Variants in FZD5 observed in about 807,000 individuals in gnomAD.
FZD5 encodes frizzled-5.
FZD5 carries 12 observed loss-of-function variants against 40.8 expected under a neutral mutation model. The ratio of observed to expected loss-of-function variants is 0.29; its 90% confidence interval spans 0.19 to 0.48. The LOEUF (loss-of-function observed/expected upper bound fraction) is 0.48. Among genes scored for constraint, FZD5 ranks in the 20% least tolerant of loss-of-function variants. The probability of loss-of-function intolerance (pLI) is 0.99; values close to 1 mark genes in which losing one functional copy is unlikely to be tolerated. For synonymous variants in FZD5, 380 were observed against 383.7 expected (o/e 0.99, Z 0.11); for missense variants, 622 against 832.8 (o/e 0.75, Z 3.12).
rs780715306 is a variant in FZD5, at chr2:207,768,526, G to T, written c.214C>A (p.Pro72Thr). 6.2e-7 allele frequency: 1 copy of T among 1,613,982 alleles called. No homozygotes were observed. The highest frequency in any genetic ancestry group is 8.5e-7 in the Non-Finnish European group (1 of 1,179,886). Reference sequence around the variant, plus strand: ...GGCGAGCATTGGATCTCCACCAGCGGCCAGAACTGGTGCACCTCCAGGCCC... The same window carrying T: ...GGCGAGCATTGGATCTCCACCAGCGTCCAGAACTGGTGCACCTCCAGGCCC... Reference protein sequence around the residue: ...EAGLEVHQFWPLVEIQCSPDL... With the variant: ...EAGLEVHQFWTLVEIQCSPDL... Residue 72 changes from proline to threonine, a missense_variant, in exon 2 of 2, where the codon CCG becomes ACG. Around this residue, in one of 4 missense-constraint regions of FZD5, gnomAD observed 144 missense variants for 214.2 expected, o/e 0.67. Transcript: ENST00000295417.
rs1415087066 is a variant in FZD5, at chr2:207,763,021, G to A, written c.*3961C>T. On this transcript the variant is annotated 3_prime_UTR_variant, in exon 2 of 2. Transcript: ENST00000295417. ...TAACTTCTGGATTTAACATAACAGT[G>A]ACTACAGCATGGGATAGGCACTATA... is the stretch of plus-strand genomic sequence containing the variant. 6.6e-6 allele frequency: 1 copy of A among 152,528 alleles called. No individual in the cohort carries two copies. Among genetic ancestry groups the A allele is most frequent in the Non-Finnish European group, 1.5e-5 (1 of 68,024 alleles). The allele number at this position is 152,528 out of a possible 1,614,324, so 9.4% of individuals were successfully genotyped here.
rs779858504 is a variant in FZD5, at chr2:207,767,405, C to T, written c.1335G>A (p.Lys445=). 10 of 1,612,746 alleles carry T rather than the reference C, an allele frequency of 6.2e-6. No individual in the cohort carries two copies. Among genetic ancestry groups the T allele is most frequent in the Non-Finnish European group, 8.5e-6 (10 of 1,179,974 alleles). Residue 445 remains lysine, a synonymous_variant, in exon 2 of 2, where the codon AAG becomes AAA. Coordinates refer to ENST00000295417, the MANE Select transcript of FZD5 (RefSeq NM_003468.4). Reference sequence around the variant, plus strand: ...TGAAGATGCCGATGCGGATCATGAGCTTCTCCAGCTTGTCCGTCTTGGTGC... The same window carrying T: ...TGAAGATGCCGATGCGGATCATGAGTTTCTCCAGCTTGTCCGTCTTGGTGC... ...QGGTKTDKLE[K]LMIRIGIFTL...
chr2:207,768,005 C>T lies in FZD5; in HGVS notation c.735G>A (p.Leu245=). 1 of 1,610,738 alleles carries T rather than the reference C, an allele frequency of 6.2e-7. No homozygotes were observed. The highest frequency in any genetic ancestry group is 8.5e-7 in the Non-Finnish European group (1 of 1,178,504). ...CTGTGGTGGACGTGGAGATGAAGCA[C>T]AGCACCGACCACAGGCCTATCCAGA... ...ATFWIGLWSV[L]CFISTSTTVA... Residue 245 remains leucine (L), a synonymous_variant, in exon 2 of 2, where the codon CTG becomes CTA. Coordinates refer to ENST00000295417, the MANE Select transcript of FZD5 (RefSeq NM_003468.4).
Position 207,766,818 on chromosome 2 carries a change from TG to T in FZD5, c.*163del. The T allele has an allele frequency of 1.9e-6, 1 of 528,954 alleles. No homozygotes were observed. 32.8% of individuals were successfully genotyped at this position (528,954 alleles called of 1,614,324 possible). On this transcript the variant is annotated 3_prime_UTR_variant, in exon 2 of 2. Transcript: ENST00000295417. Reference sequence around the variant, plus strand: ...TGAGCTGGGCCCCTTGGAGAAGACCTGGGACAGGTTCTTCCTCGAAAACGCC... The same window carrying T: ...TGAGCTGGGCCCCTTGGAGAAGACCTGGACAGGTTCTTCCTCGAAAACGCC...
chr2:207,768,714 G>A lies in FZD5; in HGVS notation c.26C>T (p.Pro9Leu). The A allele has an allele frequency of 6.3e-7, 1 of 1,591,240 alleles. No homozygotes were observed. The highest frequency in any genetic ancestry group is 8.6e-7 in the Non-Finnish European group (1 of 1,169,586). MARPDPSA[P>L]PSLLLLLLAQ... is the part of the protein sequence containing the mutation. ...TAGGAGCAGCAGCAACAGCGAGGGCGGCGCGGATGGGTCAGGCCGAGCCAT... is the reference window on the plus strand; with the variant it reads ...TAGGAGCAGCAGCAACAGCGAGGGCAGCGCGGATGGGTCAGGCCGAGCCAT... Residue 9 changes from proline (P) to leucine (L), a missense_variant, in exon 2 of 2, where the codon CCG (proline) becomes CTG (leucine). Pro to Leu is a moderately conservative substitution (Grantham distance 98). Around this residue, in one of 4 missense-constraint regions of FZD5, gnomAD observed 144 missense variants for 214.2 expected, o/e 0.67. Coordinates refer to ENST00000295417, the MANE Select transcript of FZD5 (RefSeq NM_003468.4).
Position 207,767,245 on chromosome 2 carries a change from C to A in FZD5, c.1495G>T (p.Glu499Ter). The A allele has an allele frequency of 6.2e-7, 1 of 1,610,378 alleles. No homozygotes were observed. Among genetic ancestry groups the A allele is most frequent in the Non-Finnish European group, 8.5e-7 (1 of 1,178,836 alleles). The change falls in exon 2 of 2, where the codon GAG (glutamate) becomes TAG (stop). Residue 499 changes from glutamate (E) to a stop codon, truncating the protein, a stop_gained. Coordinates refer to ENST00000295417, the MANE Select transcript of FZD5 (RefSeq NM_003468.4). LOFTEE classifies it high-confidence loss of function. Reference sequence around the variant, plus strand: ...TACTTGAGCATGAGCACCCAGTACTCGGGCTTGGCGCGCGGCTGGCCGGTG... The same window carrying A: ...TACTTGAGCATGAGCACCCAGTACTAGGGCTTGGCGCGCGGCTGGCCGGTG... ...HDTGQPRAKP[E>*]YWVLMLKYFM...
rs1027683040 is a variant in FZD5 at position 207,767,252 on chromosome 2, G to A, written c.1488C>T (p.Ala496=). 1.9e-5 allele frequency: 31 copies of A among 1,610,734 alleles called. No homozygotes were observed. The highest frequency in any genetic ancestry group is 2.5e-5 in the Non-Finnish European group (30 of 1,178,956). ...GCATGAGCACCCAGTACTCGGGCTT[G>A]GCGCGCGGCTGGCCGGTGTCGTGGC... ...CPGHDTGQPR[A]KPEYWVLMLK... Residue 496 remains alanine (A), a synonymous_variant, in exon 2 of 2, where the codon GCC becomes GCT. Transcript: ENST00000295417.
In FZD5 at chr2:207,767,450, G is replaced by A. The variant is rs778162989; in HGVS notation, c.1290C>T (p.Arg430=). The change falls in exon 2 of 2, where the codon CGC becomes CGT. Residue 430 remains arginine (R), a synonymous_variant. Transcript: ENST00000295417. ...LAGFVSLFRI[R]SVIKQGGTKT... is the part of the protein sequence containing the mutation. ...TGGTGCCGCCCTGCTTGATGACGCT[G>A]CGGATGCGGAAGAGCGACACGAAGC... is the stretch of plus-strand genomic sequence containing the variant. 14 of 1,611,702 alleles carry A rather than the reference G, an allele frequency of 8.7e-6. No individual in the cohort carries two copies. The highest frequency in any genetic ancestry group is 5.5e-5 in the South Asian group (5 of 91,092).
rs985745015 is a variant in FZD5, at chr2:207,767,831, G to C, written c.909C>G (p.Asn303Lys). 11 of 1,606,270 alleles carry C rather than the reference G, an allele frequency of 6.8e-6. No homozygotes were observed. Among genetic ancestry groups the C allele is most frequent in the Non-Finnish European group, 6.8e-6 (8 of 1,176,440 alleles). The change falls in exon 2 of 2, where the codon AAC becomes AAG. Residue 303 changes from asparagine (N) to lysine (K), a missense_variant. By Grantham distance (94) the Asn-to-Lys change is moderately conservative. Transcript: ENST00000295417. ...HASVACSREH[N>K]HIHYETTGPA... ...GGCCCGTGGTCTCGTAGTGGATGTG[G>C]TTGTGCTCGCGGCTGCAGGCCACGC...
Position 207,766,925 on chromosome 2 carries a change from C to T in FZD5, c.*57G>A. ...ACGGAAGTGACCTTGGCAAAACTAC[C>T]AAACAAAACGCCCCCCTCCCCTCAG... On this transcript the variant is annotated 3_prime_UTR_variant, in exon 2 of 2. Transcript: ENST00000295417. 1.5e-6 allele frequency: 2 copies of T among 1,342,260 alleles called. No individual in the cohort carries two copies. Among genetic ancestry groups the T allele is most frequent in the Non-Finnish European group, 2.0e-6 (2 of 1,018,650 alleles). The allele number at this position is 1,342,260 out of a possible 1,614,324, so 83.1% of individuals were successfully genotyped here.
At position 207,767,953 on chromosome 2, in the gene FZD5, G is replaced by C; in HGVS notation, c.787C>G (p.Arg263Gly). 6.2e-7 allele frequency: 1 copy of C among 1,603,444 alleles called. No homozygotes were observed. ...ATGGGGCGCTCAGGATAGCGGAAGC[G>C]TTCCATGTCGATGAGGAAGGTGGCC... ...TVATFLIDME[R>G]FRYPERPIIF... is the part of the protein sequence containing the mutation. The change falls in exon 2 of 2, where the codon CGC becomes GGC. Residue 263 changes from arginine (R) to glycine (G), a missense_variant. Arg to Gly is a moderately radical substitution (Grantham distance 125). Coordinates refer to ENST00000295417, the MANE Select transcript of FZD5 (RefSeq NM_003468.4).
rs1210079960 is a variant in FZD5 at position 207,766,114 on chromosome 2, A to G, written c.*868T>C. ...AAAAAAAAGGGGATCACTGAAGCTT[A>G]AGAACCACCCACTACCTCTCAGGCA... On this transcript the variant is annotated 3_prime_UTR_variant, in exon 2 of 2. Transcript: ENST00000295417. 6.7e-6 allele frequency: 1 copy of G among 149,780 alleles called. No individual in the cohort carries two copies. Among genetic ancestry groups the G allele is most frequent in the Non-Finnish European group, 1.5e-5 (1 of 67,562 alleles). The allele number at this position is 149,780 out of a possible 1,614,324, so 9.3% of individuals were successfully genotyped here. A position where few individuals can be genotyped will look rare whatever the true frequency, so the allele number is the denominator to read the frequency against.
Position 207,768,749 on chromosome 2 carries a change from C to T in FZD5, c.-10G>A. On this transcript the variant is annotated 5_prime_UTR_variant, in exon 2 of 2. Transcript: ENST00000295417. The stretch of plus-strand genomic sequence containing the variant: ...GGTCAGGCCGAGCCATCGCCCCCTC[C>T]CTCCCCTCGCCTCCAGCAGCCCGCG... 6.5e-7 allele frequency: 1 copy of T among 1,528,894 alleles called. No individual in the cohort carries two copies. The highest frequency in any genetic ancestry group is 1.4e-5 in the African/African-American group (1 of 72,650). 94.7% of individuals were successfully genotyped at this position (1,528,894 alleles called of 1,614,324 possible).
In FZD5 at chr2:207,767,750, G is replaced by A. The variant is rs2091987424; in HGVS notation, c.990C>T (p.Ser330=). ...TGAGCGACAGGATGACCCACCAGAT[G>A]GAGCTGGCCATGCCGAAGAAGTAGA... ...LLVYFFGMAS[S]IWWVILSLTW... Residue 330 remains serine, a synonymous_variant, in exon 2 of 2, where the codon TCC becomes TCT. Coordinates refer to ENST00000295417, the MANE Select transcript of FZD5 (RefSeq NM_003468.4). 2.5e-6 allele frequency: 4 copies of A among 1,614,158 alleles called. No individual in the cohort carries two copies. Among genetic ancestry groups the A allele is most frequent in the Non-Finnish European group, 2.5e-6 (3 of 1,180,004 alleles).
At position 207,768,497 on chromosome 2, in the gene FZD5, G is replaced by A. The variant is rs777588818; in HGVS notation, c.243C>T (p.Asp81=). 2 of 1,613,980 alleles carry A rather than the reference G, an allele frequency of 1.2e-6. No individual in the cohort carries two copies. Among genetic ancestry groups the A allele is most frequent in the South Asian group, 1.1e-5 (1 of 91,086 alleles). The change falls in exon 2 of 2, where the codon GAC becomes GAT. Residue 81 remains aspartate, a synonymous_variant. Transcript: ENST00000295417. ...ACATAGAGCATAGGAAGAAGCGCAG[G>A]TCCGGCGAGCATTGGATCTCCACCA... ...WPLVEIQCSP[D]LRFFLCSMYT...
In FZD5 at chr2:207,768,792, G is replaced by C. The variant is rs915989909; in HGVS notation, c.-53C>G. The C allele has an allele frequency of 3.6e-6, 5 of 1,374,066 alleles. No individual in the cohort carries two copies. The African/African-American group carries it at 5.9e-5, about 16-fold the overall frequency. The allele number at this position is 1,374,066 out of a possible 1,614,324, so 85.1% of individuals were successfully genotyped here. A position where few individuals can be genotyped will look rare whatever the true frequency, so the allele number is the denominator to read the frequency against. ...AGCCCGCGAGGGACGCACACAGGCA[G>C]AGGAATCCGGGCCGGGGCTTCTCCC... On this transcript the variant is annotated 5_prime_UTR_variant, in exon 2 of 2. Coordinates refer to ENST00000295417, the MANE Select transcript of FZD5 (RefSeq NM_003468.4).
rs761213914 is a variant in FZD5 at position 207,768,687 on chromosome 2, G to C, written c.53C>G (p.Ala18Gly). 1.9e-6 allele frequency: 3 copies of C among 1,605,782 alleles called. No homozygotes were observed. The East Asian group carries it at 6.7e-5, about 36-fold the overall frequency. ...GGCGGCCGCCCGGCCCACCAGCTGC[G>C]CTAGGAGCAGCAGCAACAGCGAGGG... is the stretch of plus-strand genomic sequence containing the variant. ...APPSLLLLLL[A>G]QLVGRAAAAS... Residue 18 changes from alanine (A) to glycine (G), a missense_variant, in exon 2 of 2, where the codon GCG becomes GGG. This residue lies in a region of FZD5 where 144 missense variants were observed against 214.2 expected (regional missense o/e 0.67). Transcript: ENST00000295417.
chr2:207,763,043 T>C lies in FZD5; in HGVS notation c.*3939A>G, dbSNP rs977117056. The C allele has an allele frequency of 9.2e-5, 14 of 152,610 alleles. No homozygotes were observed. The highest frequency in any genetic ancestry group is 1.8e-4 in the Non-Finnish European group (12 of 68,036). The allele number at this position is 152,610 out of a possible 1,614,324, so 9.5% of individuals were successfully genotyped here. On this transcript the variant is annotated 3_prime_UTR_variant, in exon 2 of 2. Transcript: ENST00000295417. ...AGTGACTACAGCATGGGATAGGCAC[T>C]ATACATATATGGAAATCATAAACAG...
Position 207,768,243 on chromosome 2 carries a change from T to G in FZD5, c.497A>C (p.Lys166Thr). 1.3e-6 allele frequency: 2 copies of G among 1,556,350 alleles called. No individual in the cohort carries two copies. The highest frequency in any genetic ancestry group is 2.3e-5 in the South Asian group (2 of 86,462). Reference protein sequence around the residue: ...TTAPPRPFPAKPTLPGPPGAP... With the variant: ...TTAPPRPFPATPTLPGPPGAP... Reference sequence around the variant, plus strand: ...CCCTGGCGGGCCTGGAAGGGTGGGCTTGGCTGGGAAAGGCCTGGGGGGCGC... The same window carrying G: ...CCCTGGCGGGCCTGGAAGGGTGGGCGTGGCTGGGAAAGGCCTGGGGGGCGC... Residue 166 changes from lysine (K) to threonine (T), a missense_variant, in exon 2 of 2, where the codon AAG becomes ACG. Physicochemically the swap from Lys to Thr is moderately conservative, Grantham distance 78 (BLOSUM62 -1). This residue lies in a region of FZD5 where 116 missense variants were observed against 117.7 expected (regional missense o/e 0.99). Transcript: ENST00000295417.
Sources: gnomAD v4.1 joint callset for allele counts on GRCh38, gnomAD v4.1.1 for gene constraint, gnomAD v4.1.1 regional missense constraint, MANE v1.5 for transcripts, NCBI Gene and HGNC (gene_info 2026-07-23, HGNC 2026-07-21) for gene names.